USH2A: variants seen among roughly 807,000 people sequenced by gnomAD.
USH2A encodes usherin.
In USH2A, 443 loss-of-function variants were observed where a neutral mutation model predicts 538.9. That is an observed-to-expected ratio of 0.82 (90% confidence interval 0.76 to 0.89). USH2A has a LOEUF of 0.89. Among genes scored for constraint, USH2A ranks in the 40% least tolerant of loss-of-function variants. The probability of loss-of-function intolerance (pLI) is 0.00; values close to 1 mark genes in which losing one functional copy is unlikely to be tolerated. For synonymous variants in USH2A, 2,413 were observed against 2,273.5 expected, an observed-to-expected ratio of 1.06 and a Z score of -1.75; for missense variants, 6,633 against 6,324.8, an observed-to-expected ratio of 1.05 and a Z score of -1.65.
At chr1:216,236,420 C>T (rs925985604) in intron 13 of USH2A, among the ~76,000 whole-genome samples, 1 of 152,122 alleles carries the variant, frequency 6.6e-6, no homozygotes, top group Non-Finnish European at 1.5e-5. Flanking sequence ...TCAGTTTCCC[C>T]TACTAAATCA....
chr1:216,196,462 G>A, intron 19 of USH2A, 91 bp downstream of exon 19: 2 of 1,450,840 alleles, frequency 1.4e-6, no homozygotes, highest in East Asian at 2.3e-5. Flanking sequence ...TATAGAGGGA[G>A]AATTCTGTCA....
rs1655928513 is a variant in USH2A at position 215,624,615 on chromosome 1, G to C, written c.*1166C>G. ...TGCAAGAAAATTTTTCTTGCCATAGGACTTTCACCAATGACTTTGTAATCC... is the reference window on the plus strand; with the variant it reads ...TGCAAGAAAATTTTTCTTGCCATAGCACTTTCACCAATGACTTTGTAATCC... On this transcript the variant is annotated 3_prime_UTR_variant, in exon 72 of 72. Transcript: ENST00000307340. 6.6e-6 allele frequency: 1 copy of C among 152,046 alleles called. No homozygotes were observed. Among genetic ancestry groups the C allele is most frequent in the Non-Finnish European group, 1.5e-5 (1 of 67,998 alleles). The allele number at this position is 152,046 out of a possible 1,614,324, so 9.4% of individuals were successfully genotyped here.
intron 21 of USH2A, among the ~76,000 whole-genome samples, chr1:216,127,364 C>A (rs1028451029): frequency 1.3e-5 from 2 of 152,228 alleles, no homozygotes; most frequent in Non-Finnish European, 2.9e-5. Flanking sequence ...ATCCTTGGCA[C>A]CCCTTTAGAA....
At chr1:215,940,046 T>G (rs1666597944) in intron 37 of USH2A, among the ~76,000 whole-genome samples, 1 of 152,122 alleles carries the variant, frequency 6.6e-6, no homozygotes, top group Non-Finnish European at 1.5e-5. Context: ...GAATCCATTC[T>G]CATGACAAAG....
chr1:216,322,448 A>G (rs2037634497), intron 8 of USH2A, among the ~76,000 whole-genome samples: 1 of 147,768 alleles, frequency 6.8e-6, no homozygotes, highest in East Asian at 2.0e-4. Flanking sequence ...ACAAAAAGTG[A>G]AAAAAAAAAT....
chr1:216,269,425 A>T (rs191574946), intron 11 of USH2A, among the ~76,000 whole-genome samples: 44 of 152,104 alleles, frequency 2.9e-4, no homozygotes, highest in African/African-American at 9.9e-4. Flanking sequence ...TCCTGTATAA[A>T]TTTTTCCTGT....
chr1:215,788,520 T>A (rs1202227773), intron 51 of USH2A, among the ~76,000 whole-genome samples: 1 of 142,546 alleles, frequency 7.0e-6, no homozygotes, highest in East Asian at 2.1e-4. Context: ...AAAAAAAAAA[T>A]TGCTAAGAGA....
intron 20 of USH2A, among the ~76,000 whole-genome samples, chr1:216,176,317 C>T (rs1335437670): frequency 6.6e-6 from 1 of 151,898 alleles, no homozygotes; most frequent in Non-Finnish European, 1.5e-5. Context: ...CTCACTACAG[C>T]CTGGAACTCC....
chr1:216,312,550 T>C (rs1479266897), intron 9 of USH2A, among the ~76,000 whole-genome samples: 1 of 152,174 alleles, frequency 6.6e-6, no homozygotes, highest in East Asian at 1.9e-4. Flanking sequence ...CAGATTCTTT[T>C]ATCAGCTGTC....
At chr1:215,744,869 C>T (rs1660428192) in intron 58 of USH2A, among the ~76,000 whole-genome samples, 1 of 152,192 alleles carries the variant, frequency 6.6e-6, no homozygotes, top group African/African-American at 2.4e-5. Flanking sequence ...AGCATCATGG[C>T]TAAACTATCT....
chr1:216,215,212 T>C (rs748518832), intron 15 of USH2A, among the ~76,000 whole-genome samples: 3 of 152,020 alleles, frequency 2.0e-5, no homozygotes, highest in Non-Finnish European at 4.4e-5. Flanking sequence ...CTAGAAGATA[T>C]AATGAGGGTT....
chr1:216,190,106 G>C lies in USH2A; in HGVS notation c.4396+117C>G. ...AAACTGTTGAGGTAAGAAGCAATCA[G>C]AGTTAGTGAGGGAGGAGAAGACAAA... On this transcript the variant is annotated intron_variant, in intron 20 of 71. Coordinates refer to ENST00000307340, the MANE Select transcript of USH2A (RefSeq NM_206933.4). 3.5e-6 allele frequency: 5 copies of C among 1,415,018 alleles called. 1 individual carries two copies. The South Asian group carries it at 4.9e-5, about 14-fold the overall frequency. 87.7% of individuals were successfully genotyped at this position (1,415,018 alleles called of 1,614,324 possible). A position where few individuals can be genotyped will look rare whatever the true frequency, so the allele number is the denominator to read the frequency against.
At chr1:216,057,826 G>A (rs1571923447) in intron 30 of USH2A, among the ~76,000 whole-genome samples, 1 of 152,058 alleles carries the variant, frequency 6.6e-6, no homozygotes, top group African/African-American at 2.4e-5. Context: ...TCCTATTGTG[G>A]CAAAGATTAC....
intron 26 of USH2A, among the ~76,000 whole-genome samples, chr1:216,081,215 A>G (rs1322036430): frequency 6.6e-6 from 1 of 152,128 alleles, no homozygotes; most frequent in East Asian, 1.9e-4. Context: ...GAAATACATT[A>G]TAGTGGCTCA....
At chr1:216,067,053 G>T (rs1438878297) in intron 30 of USH2A, among the ~76,000 whole-genome samples, 1 of 152,110 alleles carries the variant, frequency 6.6e-6, no homozygotes, top group Non-Finnish European at 1.5e-5. Flanking sequence ...GTAATTGTTG[G>T]AAACCCTGGA....
intron 32 of USH2A, among the ~76,000 whole-genome samples, chr1:216,010,230 C>A (rs1195353632): frequency 6.6e-6 from 1 of 152,214 alleles, no homozygotes; most frequent in African/African-American, 2.4e-5. Context: ...AATGCCTGAA[C>A]TGCAGCGGCC....
At position 216,199,822 on chromosome 1, in the gene USH2A, T is replaced by C. The variant is rs1429873060; in HGVS notation, c.3616A>G (p.Thr1206Ala). 1 of 1,614,130 alleles carries C rather than the reference T, an allele frequency of 6.2e-7. No homozygotes were observed. Among genetic ancestry groups the C allele is most frequent in the Admixed American group, 1.7e-5 (1 of 60,016 alleles). ...VSYEGHETSA[T>A]IWNLVPFAKY... is the part of the protein sequence containing the mutation. The stretch of plus-strand genomic sequence containing the variant: ...GCAAATGGAACCAGATTCCAGATGG[T>C]AGCTGAGGTTTCATGACCTTCGTAG... Residue 1206 changes from threonine to alanine, a missense_variant, in exon 17 of 72, where the codon ACC (threonine) becomes GCC (alanine). Transcript: ENST00000307340.
At chr1:216,276,510 G>C (rs2036673163) in intron 11 of USH2A, among the ~76,000 whole-genome samples, 1 of 152,068 alleles carries the variant, frequency 6.6e-6, no homozygotes. Flanking sequence ...CTCTAGAAAT[G>C]ATCAGCACAT....
rs1351363475 is a variant in USH2A, at chr1:215,878,884, T to A, written c.8438A>T (p.Tyr2813Phe). The A allele has an allele frequency of 6.2e-7, 1 of 1,613,938 alleles. No individual in the cohort carries two copies. Among genetic ancestry groups the A allele is most frequent in the South Asian group, 1.1e-5 (1 of 91,082 alleles). Residue 2813 changes from tyrosine to phenylalanine, a missense_variant, in exon 42 of 72, where the codon TAT (tyrosine) becomes TTT (phenylalanine). By Grantham distance (22) the Tyr-to-Phe change is conservative. Coordinates refer to ENST00000307340, the MANE Select transcript of USH2A (RefSeq NM_206933.4). Reference sequence around the variant, plus strand: ...AGGTACGGTGGGGTGAGTGGTAACATAGGTAGGTAAACTCTCTGTGCACCC... The same window carrying A: ...AGGTACGGTGGGGTGAGTGGTAACAAAGGTAGGTAAACTCTCTGTGCACCC... Reference protein sequence around the residue: ...LGGCTESLPTYVTTHPTVPQN... With the variant: ...LGGCTESLPTFVTTHPTVPQN...
Sources: allele counts gnomAD v4.1 joint callset (sites outside exome capture counted in the v4.1 genomes callset), GRCh38; gene constraint gnomAD v4.1.1; transcripts MANE v1.5; gene names NCBI Gene and HGNC (gene_info 2026-07-23, HGNC 2026-07-21).